The following NALCN variants were observed in gnomAD, a reference collection of about 807,000 sequenced individuals.
NALCN encodes the protein sodium leak channel, non-selective, also known as sodium leak channel NALCN.
NALCN carries 111 observed loss-of-function variants against 225.3 expected under a neutral mutation model. The ratio of observed to expected loss-of-function variants is 0.49; its 90% CI spans 0.42 to 0.58. The LOEUF (loss-of-function observed/expected upper bound fraction) is 0.58, where lower values mean the gene tolerates loss of function less well. Ranked by LOEUF, NALCN falls within the 20% of genes least tolerant of loss-of-function variation. The pLI is 0.00. For missense variants in NALCN, 1,378 were observed against 2,202.4 expected (o/e 0.63, Z 7.49); for synonymous variants, 764 against 769.0 (o/e 0.99, Z 0.11).
In NALCN at chr13:101,114,872, G is replaced by A. The variant is rs569616004; in HGVS notation, c.2193-3646C>T. Among the ~76,000 whole-genome samples, 6 of 152,178 alleles carry A rather than the reference G, an allele frequency of 3.9e-5. No homozygotes were observed. In the East Asian group the frequency reaches 5.8e-4, roughly 15 times the overall value. On this transcript the variant is annotated intron_variant, in intron 18 of 43. Transcript: ENST00000251127. ...AGTGTCCCTCTAACCTCCCTTTCTG[G>A]TCTCATCTTTACCAGGAGGAACCTC...
At chr13:101,064,559 T>TACACAC (rs57799563) in intron 40 of NALCN, among the ~76,000 whole-genome samples, 29,798 of 148,140 alleles carry the variant, frequency 0.2, 3,133 homozygotes, top group East Asian at 0.45. Context: ...TGAACATAGA[T>TACACAC]ACACACACAC....
chr13:101,307,219 A>G (rs2044182538), intron 7 of NALCN, among the ~76,000 whole-genome samples: 1 of 152,170 alleles, frequency 6.6e-6, no homozygotes, highest in African/African-American at 2.4e-5. Context: ...GAGCAGAGCG[A>G]TGGTGGTCTG....
At chr13:101,267,808 G>A (rs550266972) in intron 10 of NALCN, among the ~76,000 whole-genome samples, 23 of 152,162 alleles carry the variant, frequency 1.5e-4, no homozygotes, top group Non-Finnish European at 2.6e-4. Flanking sequence ...CAACTGATCC[G>A]CAAATTCATG....
rs1303142603 is a variant in NALCN at position 101,073,627 on chromosome 13, A to G, written c.4154T>C (p.Ile1385Thr). 1 of 1,613,636 alleles carries G rather than the reference A, an allele frequency of 6.2e-7. No individual in the cohort carries two copies. Among genetic ancestry groups the G allele is most frequent in the Non-Finnish European group, 8.5e-7 (1 of 1,179,870 alleles). ...AGKAITVLFR[I>T]VTGEDWNKIM... ...CTTGTTCCAGTCTTCACCTGTGACA[A>G]TTCGGAACAGTACGGTAATAGCTTT... Residue 1385 changes from isoleucine to threonine, a missense_variant, in exon 37 of 44, where the codon ATT becomes ACT. By Grantham distance (89) the Ile-to-Thr change is moderately conservative. Coordinates refer to ENST00000251127, the MANE Select transcript of NALCN (RefSeq NM_052867.4).
chr13:101,348,772 C>T (rs1259224148), intron 6 of NALCN, among the ~76,000 whole-genome samples: 1 of 152,060 alleles, frequency 6.6e-6, no homozygotes, highest in Admixed American at 6.6e-5. Flanking sequence ...TTTTTACCAA[C>T]ATCAAGTTAT....
At chr13:101,311,155 T>C (rs1173313040) in intron 7 of NALCN, among the ~76,000 whole-genome samples, 1 of 150,874 alleles carries the variant, frequency 6.6e-6, no homozygotes, top group Non-Finnish European at 1.5e-5. Context: ...GATTTGGCTC[T>C]CTGTTTGTCT....
intron 7 of NALCN, among the ~76,000 whole-genome samples, chr13:101,300,520 G>T (rs1427063475): frequency 1.3e-5 from 2 of 151,276 alleles, no homozygotes; most frequent in African/African-American, 4.9e-5. Flanking sequence ...GTACAGTCTT[G>T]GCTCACTGCA....
chr13:101,248,433 T>A (rs1298631393), intron 11 of NALCN, among the ~76,000 whole-genome samples: 1 of 152,210 alleles, frequency 6.6e-6, no homozygotes, highest in African/African-American at 2.4e-5. Flanking sequence ...AGCCTCTACA[T>A]CCTTGGAATT....
intron 9 of NALCN, among the ~76,000 whole-genome samples, chr13:101,285,891 C>T (rs1456317985): frequency 1.3e-5 from 2 of 152,150 alleles, no homozygotes; most frequent in Non-Finnish European, 2.9e-5. Flanking sequence ...TCTGTTGATA[C>T]ATCCTATACT....
chr13:101,381,074 A>G (rs2046836385), intron 3 of NALCN, among the ~76,000 whole-genome samples: 1 of 152,108 alleles, frequency 6.6e-6, no homozygotes, highest in Non-Finnish European at 1.5e-5. Flanking sequence ...CGGACAAATA[A>G]TGTTTTCAGG....
At position 101,328,372 on chromosome 13, in the gene NALCN, C is replaced by T. The variant is rs114630992; in HGVS notation, c.799+16894G>A. ...TACAGCCCAGGCTAGAGTGCGGTGG[C>T]GTGATCTCGGCTCATTGCAACCTCT... is the stretch of plus-strand genomic sequence containing the variant. On this transcript the variant is annotated intron_variant, in intron 7 of 43. Coordinates refer to ENST00000251127, the MANE Select transcript of NALCN (RefSeq NM_052867.4). Among the ~76,000 whole-genome samples, 238 of 152,090 alleles carry T rather than the reference C, an allele frequency of 1.6e-3. 1 individual carries two copies. Among genetic ancestry groups the T allele is most frequent in the African/African-American group, 5.3e-3 (220 of 41,478 alleles).
At chr13:101,287,064 A>T (rs1029178949) in intron 9 of NALCN, among the ~76,000 whole-genome samples, 3 of 152,286 alleles carry the variant, frequency 2.0e-5, no homozygotes, top group East Asian at 3.9e-4. Context: ...TTCCATTTTT[A>T]AAAAATTGCC....
intron 7 of NALCN, among the ~76,000 whole-genome samples, chr13:101,301,656 G>A (rs2139097967): frequency 6.6e-6 from 1 of 151,186 alleles, no homozygotes; most frequent in East Asian, 2.0e-4. Context: ...GGGAGGCAGA[G>A]GGTGCAGTGA....
At chr13:101,377,684 C>G (rs559070984) in intron 4 of NALCN, among the ~76,000 whole-genome samples, 18 of 152,148 alleles carry the variant, frequency 1.2e-4, no homozygotes, top group African/African-American at 4.3e-4. Flanking sequence ...GTTTTGAATT[C>G]TGAATTTTTA....
chr13:101,229,696 C>G (rs2041273485), intron 12 of NALCN, 112 bp from the exon 13 acceptor site: 2 of 902,896 alleles, frequency 2.2e-6, no homozygotes, highest in Non-Finnish European at 1.5e-6. Context: ...AAAATCATAC[C>G]TCTCTATTTG....
intron 7 of NALCN, among the ~76,000 whole-genome samples, chr13:101,341,577 T>C (rs2045560130): frequency 6.6e-6 from 1 of 152,230 alleles, no homozygotes; most frequent in Admixed American, 6.5e-5. Flanking sequence ...TACTAAGCTT[T>C]TATGAGTTAT....
intron 4 of NALCN, among the ~76,000 whole-genome samples, chr13:101,378,003 A>G (rs1431764142): frequency 2.0e-5 from 3 of 152,128 alleles, no homozygotes; most frequent in Non-Finnish European, 4.4e-5. Flanking sequence ...TATTTGCAAT[A>G]TAGTATTTTA....
intron 22 of NALCN, among the ~76,000 whole-genome samples, chr13:101,105,458 G>A (rs2035045791): frequency 6.6e-6 from 1 of 152,152 alleles, no homozygotes; most frequent in Non-Finnish European, 1.5e-5. Context: ...TGTGAGCACT[G>A]TCAATGAGAT....
chr13:101,170,936 C>A (rs2038682495), intron 15 of NALCN, among the ~76,000 whole-genome samples: 1 of 152,120 alleles, frequency 6.6e-6, no homozygotes. Flanking sequence ...ACCAAATTTG[C>A]AAAAATCATT....
Sources: gnomAD v4.1 joint callset for allele counts (sites outside exome capture counted in the v4.1 genomes callset) on GRCh38, gnomAD v4.1.1 for gene constraint, MANE v1.5 for transcripts, NCBI Gene and HGNC (gene_info 2026-07-23, HGNC 2026-07-21) for gene names.